Variants in KCNH8 observed in about 807,000 individuals in gnomAD.
The protein encoded by KCNH8 is voltage-gated delayed rectifier potassium channel KCNH8.
In KCNH8, 70 loss-of-function variants were observed where a neutral mutation model predicts 103.6. The observed-to-expected ratio is 0.68, with a 90% CI of 0.56 to 0.82. The LOEUF (loss-of-function observed/expected upper bound fraction) is 0.82, where lower values mean the gene tolerates loss of function less well. Among genes scored for constraint, KCNH8 ranks in the 40% least tolerant of loss-of-function variants. The pLI is 0.00. For synonymous variants in KCNH8, 498 were observed against 489.4 expected, an observed-to-expected ratio of 1.02 and a Z score of -0.23; for missense variants, 1,217 against 1,329.9, an observed-to-expected ratio of 0.92 and a Z score of 1.32.
intron 15 of KCNH8, among the ~76,000 whole-genome samples, chr3:19,523,969 T>A (rs1235721859): frequency 6.6e-6 from 1 of 151,884 alleles, no homozygotes; most frequent in Non-Finnish European, 1.5e-5. Flanking sequence ...AGCTAATAGA[T>A]TAATGAAATC....
intron 7 of KCNH8, among the ~76,000 whole-genome samples, chr3:19,398,970 A>C (rs770059500): frequency 6.6e-6 from 1 of 151,984 alleles, no homozygotes; most frequent in Non-Finnish European, 1.5e-5. Flanking sequence ...TCTTCAAAGT[A>C]ATTTATCTGT....
intron 11 of KCNH8, among the ~76,000 whole-genome samples, chr3:19,471,102 G>C (rs2067846515): frequency 6.6e-6 from 1 of 152,186 alleles, no homozygotes. Flanking sequence ...GTTTAGTTGG[G>C]CTGGGAAAGG....
At chr3:19,314,256 G>T (rs2065244369) in intron 3 of KCNH8, among the ~76,000 whole-genome samples, 1 of 151,724 alleles carries the variant, frequency 6.6e-6, no homozygotes, top group Admixed American at 6.6e-5. Context: ...GGGCTTTATG[G>T]ACCATATAAA....
chr3:19,295,120 G>C (rs2064978920), intron 3 of KCNH8, among the ~76,000 whole-genome samples: 1 of 152,118 alleles, frequency 6.6e-6, no homozygotes, highest in Admixed American at 6.5e-5. Flanking sequence ...GCCAGGTGCA[G>C]TGGCTTCCAT....
intron 11 of KCNH8, among the ~76,000 whole-genome samples, chr3:19,484,767 C>T (rs1420641557): frequency 6.6e-6 from 1 of 152,156 alleles, no homozygotes; most frequent in East Asian, 1.9e-4. Flanking sequence ...GGAGAATAAG[C>T]TGATGGGACA....
intron 2 of KCNH8, among the ~76,000 whole-genome samples, chr3:19,275,785 C>T (rs755347507): frequency 3.3e-5 from 5 of 151,990 alleles, no homozygotes; most frequent in Admixed American, 3.3e-4. Context: ...CCATCACATT[C>T]CCGTATTTTC....
At chr3:19,440,367 T>C (rs1282967099) in intron 8 of KCNH8, among the ~76,000 whole-genome samples, 2 of 152,156 alleles carry the variant, frequency 1.3e-5, no homozygotes, top group Non-Finnish European at 2.9e-5. Flanking sequence ...AATGAAGACA[T>C]ATCCAAGACT....
chr3:19,411,246 C>A (rs2066774379), intron 7 of KCNH8, among the ~76,000 whole-genome samples: 1 of 151,978 alleles, frequency 6.6e-6, no homozygotes, highest in Non-Finnish European at 1.5e-5. Flanking sequence ...ACAGCATAGA[C>A]AGAATTAAAA....
chr3:19,345,640 A>G (rs1468649105), intron 4 of KCNH8, among the ~76,000 whole-genome samples: 1 of 151,722 alleles, frequency 6.6e-6, no homozygotes, highest in Non-Finnish European at 1.5e-5. Flanking sequence ...ATTTTTTTTT[A>G]CAATTTTAAG....
In KCNH8 at chr3:19,464,897, A is replaced by G. The variant is rs1477560729; in HGVS notation, c.2040+7915A>G. On this transcript the variant is annotated intron_variant, in intron 11 of 15. Coordinates refer to ENST00000328405, the MANE Select transcript of KCNH8 (RefSeq NM_144633.3). ...TCTATTGCTCATAGTAAAATAATTT[A>G]ATAAATTATAGTGAGAATGATATGA... Among the ~76,000 whole-genome samples, 8 of 152,168 alleles carry G rather than the reference A, an allele frequency of 5.3e-5. No homozygotes were observed. In the East Asian group the frequency reaches 1.5e-3, roughly 29 times the overall value.
At chr3:19,347,650 G>T in intron 4 of KCNH8, 75 bp from the exon 5 acceptor site, 1 of 1,538,928 alleles carries the variant, frequency 6.5e-7, no homozygotes, top group Non-Finnish European at 8.9e-7. Context: ...TCACAAAAGT[G>T]TGTGTTTCAA....
intron 15 of KCNH8, among the ~76,000 whole-genome samples, chr3:19,532,111 G>C (rs774999704): frequency 1.3e-5 from 2 of 152,106 alleles, no homozygotes; most frequent in Non-Finnish European, 2.9e-5. Flanking sequence ...TTTTCTGGTG[G>C]TATTCCATGA....
Position 19,533,598 on chromosome 3 carries a change from GGCT to G in KCNH8, c.2827_2829del (p.Ala943del). On this transcript the variant is annotated inframe_deletion, in exon 16 of 16. Transcript: ENST00000328405. ...CTTGCCTACACTTGCAAACAGGCGG[GGCT>G]GCTTATACCCAAGCACAACTTTGTA... is the stretch of plus-strand genomic sequence containing the variant. 1 of 1,614,120 alleles carries G rather than the reference GGCT, an allele frequency of 6.2e-7. No individual in the cohort carries two copies. Among genetic ancestry groups the G allele is most frequent in the African/African-American group, 1.3e-5 (1 of 75,034 alleles).
intron 3 of KCNH8, among the ~76,000 whole-genome samples, chr3:19,341,346 C>T (rs755130168): frequency 8.5e-5 from 13 of 152,086 alleles, no homozygotes; most frequent in Non-Finnish European, 1.8e-4. Context: ...CTTTCACTAG[C>T]GCTGGCTGTG....
intron 11 of KCNH8, among the ~76,000 whole-genome samples, chr3:19,489,649 G>A (rs910613056): frequency 6.6e-6 from 1 of 152,012 alleles, no homozygotes; most frequent in Non-Finnish European, 1.5e-5. Flanking sequence ...TTTCAACATA[G>A]TTCCTAGTGG....
intron 1 of KCNH8, among the ~76,000 whole-genome samples, chr3:19,184,665 A>G (rs1447762252): frequency 6.6e-6 from 1 of 151,928 alleles, no homozygotes; most frequent in Non-Finnish European, 1.5e-5. Context: ...TGACTCTCTA[A>G]AAGGTAAAGG....
intron 3 of KCNH8, among the ~76,000 whole-genome samples, chr3:19,297,268 C>T (rs1257226863): frequency 1.3e-5 from 2 of 152,192 alleles, no homozygotes; most frequent in Non-Finnish European, 2.9e-5. Flanking sequence ...TTTTTAAGTA[C>T]ATGTTCCCTC....
intron 10 of KCNH8, among the ~76,000 whole-genome samples, chr3:19,455,824 T>A (rs1171425313): frequency 1.3e-5 from 2 of 152,086 alleles, no homozygotes; most frequent in East Asian, 3.9e-4. Flanking sequence ...ATGAAAAGTA[T>A]GATGACCCGA....
At chr3:19,469,612 T>C (rs2067813762) in intron 11 of KCNH8, among the ~76,000 whole-genome samples, 1 of 152,158 alleles carries the variant, frequency 6.6e-6, no homozygotes, top group South Asian at 2.1e-4. Context: ...TTTTATATTC[T>C]GAAACTTTCC....
Sources: gnomAD v4.1 joint callset for allele counts (sites outside exome capture counted in the v4.1 genomes callset) on GRCh38, gnomAD v4.1.1 for gene constraint, MANE v1.5 for transcripts, NCBI Gene and HGNC (gene_info 2026-07-23, HGNC 2026-07-21) for gene names.